CAPN3: variants seen among roughly 807,000 people sequenced by gnomAD.
The protein encoded by CAPN3 is calpain 3, also known as calpain-3.
In CAPN3, 88 loss-of-function variants were observed where a neutral mutation model predicts 114.0. The observed-to-expected ratio is 0.77, with a 90% CI of 0.65 to 0.92. CAPN3 has a LOEUF of 0.92. CAPN3 is among the 40% of genes least tolerant of loss of function. The pLI, the probability that CAPN3 is intolerant of heterozygous loss-of-function variation, is 0.00. For missense variants in CAPN3, 1,028 were observed against 1,069.0 expected (o/e 0.96, Z 0.53); for synonymous variants, 386 against 382.9 (o/e 1.01, Z -0.09).
intron 22 of CAPN3, 69 bp downstream of exon 22, chr15:42,411,069 G>A: frequency 2.4e-6 from 3 of 1,268,866 alleles, no homozygotes; most frequent in African/African-American, 1.5e-5. Context: ...CATCTCACCT[G>A]ATAATCTCCA....
chr15:42,374,985 AAATT>A (rs1223393647), intron 1 of CAPN3, among the ~76,000 whole-genome samples: 9 of 129,844 alleles, frequency 6.9e-5, no homozygotes, highest in Non-Finnish European at 1.3e-4. Context: ...GTTTAAATAA[AAATT>A]TATTTATTTA....
At chr15:42,406,872 T>C (rs1334964699) in intron 15 of CAPN3, among the ~76,000 whole-genome samples, 1 of 152,086 alleles carries the variant, frequency 6.6e-6, no homozygotes, top group Non-Finnish European at 1.5e-5. Flanking sequence ...AGACACTGCT[T>C]AGAAGGCAGA....
chr15:42,386,300 G>C lies in CAPN3; in HGVS notation c.498+15G>C. 5.7e-6 allele frequency: 9 copies of C among 1,575,300 alleles called. No homozygotes were observed. The highest frequency in any genetic ancestry group is 7.9e-6 in the Non-Finnish European group (9 of 1,144,540). ...TCCACTTCCAGGTGAGGTAATGAGAGTGTAGTTAAGAGGGCCAGCGGCAGG... is the reference window on the plus strand; with the variant it reads ...TCCACTTCCAGGTGAGGTAATGAGACTGTAGTTAAGAGGGCCAGCGGCAGG... On this transcript the variant is annotated intron_variant, in intron 3 of 23. Transcript: ENST00000397163.
intron 8 of CAPN3, among the ~76,000 whole-genome samples, chr15:42,394,725 T>C (rs866856639): frequency 6.6e-6 from 1 of 152,142 alleles, no homozygotes; most frequent in Admixed American, 6.6e-5. Context: ...TGGGCTGATA[T>C]GAGGAGTAAA....
In CAPN3 at chr15:42,409,782, C is replaced by T. The variant is rs1566984719; in HGVS notation, c.1993-5C>T. On this transcript the variant is annotated splice_region_variant and splice_polypyrimidine_tract_variant and intron_variant, in intron 17 of 23. Transcript: ENST00000397163. ...ACCATGACCCTCCTCTCCCTTCCTC[C>T]TCAGGACATGGAGATCTGTGCAGAT... 6.2e-7 allele frequency: 1 copy of T among 1,609,536 alleles called. No homozygotes were observed. The highest frequency in any genetic ancestry group is 8.5e-7 in the Non-Finnish European group (1 of 1,177,706).
At chr15:42,411,443 C>A in intron 23 of CAPN3, 98 bp downstream of exon 23, 1 of 1,114,398 alleles carries the variant, frequency 9.0e-7, no homozygotes, top group Non-Finnish European at 1.4e-6. Flanking sequence ...CTCATTTCCA[C>A]ACAGTGGTGG....
At chr15:42,372,228 C>T (rs1259150257) in intron 1 of CAPN3, among the ~76,000 whole-genome samples, 1 of 152,084 alleles carries the variant, frequency 6.6e-6, no homozygotes, top group South Asian at 2.1e-4. Flanking sequence ...GGTGCAATCT[C>T]GGCTCACTGC....
intron 7 of CAPN3, among the ~76,000 whole-genome samples, chr15:42,392,949 T>G (rs1267548357): frequency 1.3e-5 from 2 of 152,244 alleles, no homozygotes; most frequent in Non-Finnish European, 2.9e-5. Context: ...GTGCTAAAGA[T>G]GGCAATTTTT....
At chr15:42,371,772 C>T (rs1037038945) in intron 1 of CAPN3, among the ~76,000 whole-genome samples, 1 of 151,880 alleles carries the variant, frequency 6.6e-6, no homozygotes, top group African/African-American at 2.4e-5. Context: ...GAGACCAGCC[C>T]GGCCAATATG....
At chr15:42,409,024 A>AGG (rs1172454467) in intron 16 of CAPN3, 1 of 436,854 alleles carries the variant, frequency 2.3e-6, no homozygotes, top group South Asian at 2.2e-5. Context: ...GGGATGGTGG[A>AGG]GGGGGCTCTT....
chr15:42,399,733 C>G, intron 10 of CAPN3, 81 bp downstream of exon 10: 1 of 1,167,748 alleles, frequency 8.6e-7, no homozygotes, highest in Non-Finnish European at 1.2e-6. Flanking sequence ...CTTATTAAGT[C>G]TCTCTGTTCC....
At chr15:42,389,932 A>T in intron 5 of CAPN3, 21 bp from the exon 6 acceptor site, 1 of 1,613,120 alleles carries the variant, frequency 6.2e-7, no homozygotes, top group Non-Finnish European at 8.5e-7. Flanking sequence ...GTTGTTCCCT[A>T]CATTCTCCAT....
In CAPN3 at chr15:42,399,665, C is replaced by T. The variant is rs758062214; in HGVS notation, c.1354+13C>T. ...CGCAACTTCCCAGGTGGGAGATGCT[C>T]TTGATGGGGGGAGGGTCTAAGCCGA... On this transcript the variant is annotated intron_variant, in intron 10 of 23. Coordinates refer to ENST00000397163, the MANE Select transcript of CAPN3 (RefSeq NM_000070.3). The T allele has an allele frequency of 6.3e-7, 1 of 1,588,536 alleles. No individual in the cohort carries two copies. The highest frequency in any genetic ancestry group is 8.6e-7 in the Non-Finnish European group (1 of 1,166,020).
intron 1 of CAPN3, among the ~76,000 whole-genome samples, chr15:42,376,851 A>G (rs1304587296): frequency 6.6e-6 from 1 of 152,234 alleles, no homozygotes; most frequent in Non-Finnish European, 1.5e-5. Flanking sequence ...ATATTTCTAT[A>G]TAAAGCCATT....
chr15:42,393,269 G>GT (rs560724497), intron 7 of CAPN3, among the ~76,000 whole-genome samples: 104 of 152,060 alleles, frequency 6.8e-4, no homozygotes, highest in Non-Finnish European at 9.7e-4. Context: ...ACTGCATTGG[G>GT]TTTTTTTGGT....
At chr15:42,409,200 C>A in intron 16 of CAPN3, 103 bp from the exon 17 acceptor site, 1 of 1,024,044 alleles carries the variant, frequency 9.8e-7, no homozygotes, top group East Asian at 2.5e-5. Flanking sequence ...GCTGCCACCT[C>A]CGGCCGTTTT....
rs768843277 is a variant in CAPN3 at position 42,401,731 on chromosome 15, T to C, written c.1445T>C (p.Val482Ala). The change falls in exon 11 of 24, where the codon GTG becomes GCG. Residue 482 changes from valine (V) to alanine (A), a missense_variant. Val to Ala is a moderately conservative substitution (Grantham distance 64). Transcript: ENST00000397163. ...TCGGAGGTGATTTGCAGCTTCCTGG[T>C]GGCCCTGATGCAGAAGAACCGGCGG... is the stretch of plus-strand genomic sequence containing the variant. The part of the protein sequence containing the change: ...DDSEVICSFL[V>A]ALMQKNRRKD... 2.5e-6 allele frequency: 4 copies of C among 1,613,988 alleles called. No homozygotes were observed. The highest frequency in any genetic ancestry group is 1.1e-5 in the South Asian group (1 of 91,076).
intron 12 of CAPN3, chr15:42,402,574 T>A (rs2053903228): frequency 1.3e-6 from 2 of 1,484,644 alleles, no homozygotes; most frequent in Non-Finnish European, 1.8e-6. Flanking sequence ...TGTCCCTGAG[T>A]GTGGGGATGA....
At chr15:42,385,102 C>G (rs1210662764) in intron 2 of CAPN3, among the ~76,000 whole-genome samples, 2 of 152,242 alleles carry the variant, frequency 1.3e-5, no homozygotes, top group African/African-American at 4.8e-5. Context: ...TGATCTTCCT[C>G]TCTCTCGACC....
Sources: allele counts gnomAD v4.1 joint callset (sites outside exome capture counted in the v4.1 genomes callset), GRCh38; gene constraint gnomAD v4.1.1; transcripts MANE v1.5; gene names NCBI Gene and HGNC (gene_info 2026-07-23, HGNC 2026-07-21).